The following SLC30A8 variants were observed in gnomAD, a reference collection of about 807,000 sequenced individuals.
SLC30A8 encodes proton-coupled zinc antiporter SLC30A8.
SLC30A8 carries 27 observed loss-of-function variants against 36.9 expected under a neutral mutation model. That is an observed-to-expected ratio of 0.73 (90% CI 0.54 to 1.01). The LOEUF is 1.01. SLC30A8 is among the 50% of genes least tolerant of loss of function. The probability of loss-of-function intolerance (pLI) is 0.00; values close to 1 mark genes in which losing one functional copy is unlikely to be tolerated. For missense variants in SLC30A8, 439 were observed against 452.0 expected (o/e 0.97, Z 0.26); for synonymous variants, 164 against 172.4 (o/e 0.95, Z 0.38).
At chr8:117,029,313 C>T (rs946472892) in intron 1 of SLC30A8, among the ~76,000 whole-genome samples, 1 of 152,158 alleles carries the variant, frequency 6.6e-6, no homozygotes, top group Non-Finnish European at 1.5e-5. Flanking sequence ...ATAAGAAATT[C>T]AGCATTGCAT....
At chr8:117,104,152 A>G (rs917269193) in intron 2 of SLC30A8, among the ~76,000 whole-genome samples, 1 of 152,168 alleles carries the variant, frequency 6.6e-6, no homozygotes, top group Admixed American at 6.5e-5. Flanking sequence ...GTTCTCTTCT[A>G]GAACTTGCTT....
chr8:117,032,409 T>G (rs553473345), intron 1 of SLC30A8, among the ~76,000 whole-genome samples: 85 of 152,156 alleles, frequency 5.6e-4, no homozygotes, highest in Non-Finnish European at 1.1e-3. Context: ...AAAAAAGATG[T>G]AAAAAAATAC....
At chr8:116,991,409 A>G (rs1815637424) in intron 1 of SLC30A8, among the ~76,000 whole-genome samples, 2 of 152,014 alleles carry the variant, frequency 1.3e-5, no homozygotes, top group Non-Finnish European at 2.9e-5. Flanking sequence ...GGTTCAAGCA[A>G]TTCTCCTGCC....
chr8:116,964,856 T>TGG (rs765464356), intron 1 of SLC30A8, among the ~76,000 whole-genome samples: 2 of 152,358 alleles, frequency 1.3e-5, no homozygotes. Context: ...TAGTAAATCT[T>TGG]TAAGTATCTA....
At chr8:117,106,704 C>G (rs1263156927) in intron 2 of SLC30A8, among the ~76,000 whole-genome samples, 1 of 152,136 alleles carries the variant, frequency 6.6e-6, no homozygotes, top group Non-Finnish European at 1.5e-5. Context: ...GATTTTCCAC[C>G]TGGAATCCCC....
intron 1 of SLC30A8, among the ~76,000 whole-genome samples, chr8:117,031,589 T>A (rs1421785727): frequency 6.6e-6 from 1 of 152,034 alleles, no homozygotes; most frequent in African/African-American, 2.4e-5. Flanking sequence ...GCCTCCCGAG[T>A]AGCTGGGATT....
chr8:117,123,811 A>T (rs371799779), intron 2 of SLC30A8, among the ~76,000 whole-genome samples: 1 of 151,960 alleles, frequency 6.6e-6, no homozygotes, highest in African/African-American at 2.4e-5. Flanking sequence ...TGCTTATTTT[A>T]ATTTCTCAAT....
chr8:116,995,940 T>C (rs1815799180), intron 1 of SLC30A8, among the ~76,000 whole-genome samples: 2 of 152,320 alleles, frequency 1.3e-5, no homozygotes, highest in South Asian at 2.1e-4. Context: ...TTTTCTGTAC[T>C]GCATGTAGCC....
chr8:117,002,499 A>AT (rs200560733), intron 1 of SLC30A8, among the ~76,000 whole-genome samples: 252 of 152,066 alleles, frequency 1.7e-3, no homozygotes, highest in East Asian at 0.015. Flanking sequence ...TTAAAAATAC[A>AT]TTTTTTTTCA....
chr8:117,145,239 C>G (rs948456400), intron 1 of SLC30A8, among the ~76,000 whole-genome samples: 4 of 151,942 alleles, frequency 2.6e-5, no homozygotes, highest in African/African-American at 9.7e-5. Context: ...CTAAAGCATC[C>G]TAATTAATAT....
intron 2 of SLC30A8, among the ~76,000 whole-genome samples, chr8:117,056,638 C>T (rs1165800673): frequency 6.6e-6 from 1 of 152,176 alleles, no homozygotes; most frequent in Non-Finnish European, 1.5e-5. Flanking sequence ...TAACTAAAGC[C>T]TGGTCAAGGA....
At chr8:117,137,753 T>C (rs1821427715) in intron 1 of SLC30A8, among the ~76,000 whole-genome samples, 1 of 151,924 alleles carries the variant, frequency 6.6e-6, no homozygotes, top group South Asian at 2.1e-4. Flanking sequence ...AAGAGAGCAA[T>C]AGTGGAAGCT....
chr8:117,018,036 T>G (rs62510469), intron 1 of SLC30A8: 6,136 of 152,264 alleles, frequency 0.04, 190 homozygotes, highest in South Asian at 0.066. Flanking sequence ...TTCTGGGCTA[T>G]AGTGCACTAT....
At chr8:117,003,995 G>A (rs1313404869) in intron 1 of SLC30A8, among the ~76,000 whole-genome samples, 5 of 152,132 alleles carry the variant, frequency 3.3e-5, no homozygotes, top group Admixed American at 2.0e-4. Context: ...TTACATAGAC[G>A]TGTTTGAAGG....
chr8:117,025,802 A>G (rs1816855467), intron 1 of SLC30A8, among the ~76,000 whole-genome samples: 1 of 152,134 alleles, frequency 6.6e-6, no homozygotes, highest in African/African-American at 2.4e-5. Context: ...GCAGCTAATC[A>G]TATTTCAGGG....
At chr8:116,993,035 A>T (rs10505291) in intron 1 of SLC30A8, among the ~76,000 whole-genome samples, 1 of 152,106 alleles carries the variant, frequency 6.6e-6, no homozygotes, top group Admixed American at 6.6e-5. Flanking sequence ...ATGGTCTTAA[A>T]GAAAACATAG....
chr8:116,955,691 C>T (rs939854593), intron 1 of SLC30A8, among the ~76,000 whole-genome samples: 1 of 150,788 alleles, frequency 6.6e-6, no homozygotes, highest in African/African-American at 2.4e-5. Context: ...CCACTGCACT[C>T]CAGCCTGGGT....
At chr8:117,142,120 C>A (rs533171758) in intron 1 of SLC30A8, among the ~76,000 whole-genome samples, 1 of 152,118 alleles carries the variant, frequency 6.6e-6, no homozygotes, top group African/African-American at 2.4e-5. Flanking sequence ...AATTGGCATG[C>A]CCTTCTCCAG....
At chr8:117,172,234 T>A (rs931066917) in intron 7 of SLC30A8, among the ~76,000 whole-genome samples, 2 of 152,294 alleles carry the variant, frequency 1.3e-5, no homozygotes, top group South Asian at 4.1e-4. Flanking sequence ...ATAATAGTTC[T>A]GTCTTGGCTT....
Sources: gnomAD v4.1 joint callset for allele counts (sites outside exome capture counted in the v4.1 genomes callset) on GRCh38, gnomAD v4.1.1 for gene constraint, MANE v1.5 for transcripts, NCBI Gene and HGNC (gene_info 2026-07-23, HGNC 2026-07-21) for gene names.